SPECC1L: variants seen among roughly 807,000 people sequenced by gnomAD.
SPECC1L encodes the protein cytospin-A.
SPECC1L carries 40 observed loss-of-function variants against 116.8 expected under a neutral mutation model. The observed-to-expected ratio is 0.34, with a 90% confidence interval of 0.27 to 0.45. SPECC1L has a LOEUF of 0.45. Among genes scored for constraint, SPECC1L ranks in the 20% least tolerant of loss-of-function variants. SPECC1L has a pLI of 1.00. For missense variants in SPECC1L, 1,110 were observed against 1,373.6 expected (o/e 0.81, Z 3.03); for synonymous variants, 504 against 500.6 (o/e 1.01, Z -0.09).
Position 24,374,413 on chromosome 22 carries a change from A to G in SPECC1L, c.3087+5093A>G, listed in dbSNP as rs566292557. Among the ~76,000 whole-genome samples the G allele has an allele frequency of 2.6e-3, 401 of 152,256 alleles. 3 individuals are homozygous for G. The highest frequency in any genetic ancestry group is 8.9e-3 in the African/African-American group (371 of 41,554). Reference sequence around the variant, plus strand: ...ATAGACTGGATTAAGAAAATGTGGCACATATACACCATGGAATACTATGCA... The same window carrying G: ...ATAGACTGGATTAAGAAAATGTGGCGCATATACACCATGGAATACTATGCA... On this transcript the variant is annotated intron_variant, in intron 14 of 16. Coordinates refer to ENST00000314328, the MANE Select transcript of SPECC1L (RefSeq NM_015330.6).
chr22:24,334,219 A>G (rs2040999356), intron 8 of SPECC1L, among the ~76,000 whole-genome samples, 191 bp from the exon 9 acceptor site: 1 of 151,796 alleles, frequency 6.6e-6, no homozygotes, highest in African/African-American at 2.4e-5. Flanking sequence ...TCACCGTGTT[A>G]GCCAAGATGG....
At chr22:24,286,036 T>C (rs955640418) in intron 2 of SPECC1L, among the ~76,000 whole-genome samples, 5 of 152,260 alleles carry the variant, frequency 3.3e-5, no homozygotes, top group African/African-American at 1.2e-4. Flanking sequence ...TACTCATTTA[T>C]TCAGTAAATC....
intron 14 of SPECC1L, among the ~76,000 whole-genome samples, chr22:24,400,660 C>T (rs189058498): frequency 2.0e-5 from 3 of 152,334 alleles, no homozygotes; most frequent in Non-Finnish European, 2.9e-5. Flanking sequence ...TCCTCAGCAG[C>T]GGCATCATTT....
At chr22:24,380,513 C>T (rs939194040) in intron 14 of SPECC1L, among the ~76,000 whole-genome samples, 2 of 152,182 alleles carry the variant, frequency 1.3e-5, no homozygotes, top group African/African-American at 4.8e-5. Context: ...TTCCCTAATA[C>T]CCATATCATC....
In SPECC1L at chr22:24,322,883, A is replaced by G; in HGVS notation, c.1903A>G (p.Asn635Asp). The G allele has an allele frequency of 6.2e-7, 1 of 1,613,880 alleles. No homozygotes were observed. The highest frequency in any genetic ancestry group is 8.5e-7 in the Non-Finnish European group (1 of 1,179,844). The change falls in exon 5 of 17, where the codon AAT becomes GAT. Residue 635 changes from asparagine (N) to aspartate (D), a missense_variant. Around this residue, in one of 4 missense-constraint regions of SPECC1L, gnomAD observed 575 missense variants for 682.4 expected, o/e 0.84. Coordinates refer to ENST00000314328, the MANE Select transcript of SPECC1L (RefSeq NM_015330.6). The stretch of plus-strand genomic sequence containing the variant: ...GCAGGAAGATCTGGCTCATACCCGA[A>G]ATGATGCCAATCGATTACAGGATGC... Reference protein sequence around the residue: ...SLQEDLAHTRNDANRLQDAIA... With the variant: ...SLQEDLAHTRDDANRLQDAIA...
chr22:24,409,506 G>A (rs2042651947), intron 14 of SPECC1L, among the ~76,000 whole-genome samples: 1 of 151,984 alleles, frequency 6.6e-6, no homozygotes. Context: ...AAATACTCTG[G>A]GCCAGGTAAG....
At chr22:24,380,689 G>A (rs2042048719) in intron 14 of SPECC1L, among the ~76,000 whole-genome samples, 1 of 152,060 alleles carries the variant, frequency 6.6e-6, no homozygotes, top group Non-Finnish European at 1.5e-5. Flanking sequence ...TGAAGCTTTA[G>A]AATAGTAGAA....
intron 14 of SPECC1L, among the ~76,000 whole-genome samples, chr22:24,411,228 G>GT (rs1356842298): frequency 6.6e-6 from 1 of 151,608 alleles, no homozygotes; most frequent in Non-Finnish European, 1.5e-5. Context: ...AAAAAGGGGG[G>GT]GTCATTGATT....
intron 6 of SPECC1L, 100 bp downstream of exon 6, chr22:24,324,527 A>C: frequency 4.6e-6 from 5 of 1,079,858 alleles, no homozygotes; most frequent in Non-Finnish European, 4.1e-6. Flanking sequence ...ACGGTGGCTC[A>C]TGCCTGTAAT....
rs148674234 is a variant in SPECC1L at position 24,328,905 on chromosome 22, C to T, written c.2206C>T (p.His736Tyr). 1.4e-5 allele frequency: 23 copies of T among 1,613,032 alleles called. No homozygotes were observed. The highest frequency in any genetic ancestry group is 1.7e-5 in the Non-Finnish European group (20 of 1,179,136). Residue 736 changes from histidine (H) to tyrosine (Y), a missense_variant, in exon 7 of 17, where the codon CAC (histidine) becomes TAC (tyrosine). His to Tyr is a moderately conservative substitution (Grantham distance 83). Coordinates refer to ENST00000314328, the MANE Select transcript of SPECC1L (RefSeq NM_015330.6). ...HDMEREIKTL[H>Y]RRLREESAEW... ...CATGGAAAGAGAAATAAAGACACTC[C>T]ACAGAAGACTTCGGGTAGGATAAAT...
chr22:24,375,121 G>C (rs562314825), intron 14 of SPECC1L, among the ~76,000 whole-genome samples: 2 of 152,212 alleles, frequency 1.3e-5, no homozygotes, highest in South Asian at 4.1e-4. Flanking sequence ...CTATCAAAAT[G>C]GACTCAAGAA....
intron 2 of SPECC1L, among the ~76,000 whole-genome samples, chr22:24,288,182 C>T (rs2049080855): frequency 6.6e-6 from 1 of 152,168 alleles, no homozygotes; most frequent in South Asian, 2.1e-4. Flanking sequence ...CAAACCCTTC[C>T]TTCCAAGTTT....
At chr22:24,294,347 T>G (rs1309518199) in intron 2 of SPECC1L, among the ~76,000 whole-genome samples, 6 of 149,062 alleles carry the variant, frequency 4.0e-5, no homozygotes, top group Non-Finnish European at 8.9e-5. Context: ...TCCTGTAGAC[T>G]GTGAACTCCT....
chr22:24,348,417 T>TAG (rs2041348948), intron 11 of SPECC1L, among the ~76,000 whole-genome samples: 1 of 152,184 alleles, frequency 6.6e-6, no homozygotes, highest in South Asian at 2.1e-4. Flanking sequence ...ACTGGCCCTA[T>TAG]ACCTGTCAGT....
chr22:24,357,022 C>T (rs1263584422), intron 11 of SPECC1L, among the ~76,000 whole-genome samples: 1 of 142,192 alleles, frequency 7.0e-6, no homozygotes, highest in East Asian at 2.1e-4. Context: ...GTTGTCACAA[C>T]TGGGGGAATG....
intron 8 of SPECC1L, among the ~76,000 whole-genome samples, chr22:24,333,031 C>A (rs1286252130): frequency 6.6e-6 from 1 of 152,102 alleles, no homozygotes; most frequent in Non-Finnish European, 1.5e-5. Context: ...GAGTTTGAGA[C>A]CAGCCTGACC....
At chr22:24,370,793 A>T (rs1174817615) in intron 14 of SPECC1L, among the ~76,000 whole-genome samples, 1 of 152,224 alleles carries the variant, frequency 6.6e-6, no homozygotes, top group Non-Finnish European at 1.5e-5. Flanking sequence ...CACACTGAAG[A>T]CATTGTGCTA....
chr22:24,390,034 A>T (rs1178466963), intron 14 of SPECC1L, among the ~76,000 whole-genome samples: 2 of 152,046 alleles, frequency 1.3e-5, no homozygotes, highest in Non-Finnish European at 2.9e-5. Flanking sequence ...GGAAAAGACA[A>T]GGGAATAGAG....
intron 14 of SPECC1L, among the ~76,000 whole-genome samples, chr22:24,385,751 G>T (rs1284565618): frequency 3.3e-5 from 5 of 152,262 alleles, no homozygotes; most frequent in Middle Eastern, 3.4e-3. Context: ...TAGCCCCAGA[G>T]AATATAAAGG....
Sources: allele counts gnomAD v4.1 joint callset (sites outside exome capture counted in the v4.1 genomes callset), GRCh38; gene constraint gnomAD v4.1.1; regional missense constraint gnomAD v4.1.1; transcripts MANE v1.5; gene names NCBI Gene and HGNC (gene_info 2026-07-23, HGNC 2026-07-21).